BUB3: variants seen among roughly 807,000 people sequenced by gnomAD.
BUB3 encodes the protein BUB3 mitotic checkpoint protein.
Under a neutral mutation model 39.9 loss-of-function variants are expected in BUB3, and 22 were observed. The ratio of observed to expected loss-of-function variants is 0.55; its 90% confidence interval spans 0.39 to 0.79. The LOEUF (loss-of-function observed/expected upper bound fraction) is 0.79. Ranked by LOEUF, BUB3 falls within the 30% of genes least tolerant of loss-of-function variation. BUB3 has a pLI of 0.00. For synonymous variants in BUB3, 168 were observed against 155.1 expected (o/e 1.08, Z -0.62); for missense variants, 303 against 415.4 (o/e 0.73, Z 2.35).
At chr10:123,160,299 G>C in intron 4 of BUB3, 108 bp from the exon 5 acceptor site, 8 of 1,011,986 alleles carry the variant, frequency 7.9e-6, no homozygotes, top group South Asian at 2.1e-5. Flanking sequence ...GGGGAATTCA[G>C]TCAGCTAATT....
At position 123,155,596 on chromosome 10, in the gene BUB3, A is replaced by G. The variant is rs77907689; in HGVS notation, c.196-62A>G. On this transcript the variant is annotated intron_variant, in intron 2 of 7. Coordinates refer to ENST00000368865, the MANE Select transcript of BUB3 (RefSeq NM_004725.4). ...ATAAACTGAACACTTGCTTGTAGAAATAAGAATGTTGAAACCCTTTCAAAA... is the reference window on the plus strand; with the variant it reads ...ATAAACTGAACACTTGCTTGTAGAAGTAAGAATGTTGAAACCCTTTCAAAA... 622 of 1,467,122 alleles carry G rather than the reference A, an allele frequency of 4.2e-4. 1 individual carries two copies. The African/African-American group carries it at 7.3e-3, about 17-fold the overall frequency. 90.9% of individuals were successfully genotyped at this position (1,467,122 alleles called of 1,614,324 possible).
chr10:123,154,645 G>A (rs1482134077), intron 1 of BUB3, among the ~76,000 whole-genome samples, 160 bp downstream of exon 1: 3 of 152,148 alleles, frequency 2.0e-5, no homozygotes, highest in East Asian at 1.9e-4. Context: ...CGGGAGAGGG[G>A]AAAGGGAACA....
At chr10:123,160,749 C>A (rs577530771) in intron 5 of BUB3, among the ~76,000 whole-genome samples, 184 bp downstream of exon 5, 6 of 152,000 alleles carry the variant, frequency 3.9e-5, no homozygotes, top group Admixed American at 2.6e-4. Context: ...GTGCGTTAAC[C>A]CCCATTTTAG....
In BUB3 at chr10:123,162,357, A is replaced by G. The variant is rs1309504368; in HGVS notation, c.698A>G (p.Gln233Arg). 1 of 1,614,168 alleles carries G rather than the reference A, an allele frequency of 6.2e-7. No homozygotes were observed. The highest frequency in any genetic ancestry group is 1.7e-5 in the Admixed American group (1 of 60,026). Residue 233 changes from glutamine to arginine, a missense_variant, in exon 6 of 8, where the codon CAG becomes CGG. Coordinates refer to ENST00000368865, the MANE Select transcript of BUB3 (RefSeq NM_004725.4). ...CHRLKENNIE[Q>R]IYPVNAISFH... Reference sequence around the variant, plus strand: ...AGACTAAAAGAAAATAATATTGAGCAGATTTACCCAGTCAATGCCATTTCT... The same window carrying G: ...AGACTAAAAGAAAATAATATTGAGCGGATTTACCCAGTCAATGCCATTTCT...
chr10:123,157,775 C>T lies in BUB3; in HGVS notation c.312C>T (p.Tyr104=). 3 of 1,612,802 alleles carry T rather than the reference C, an allele frequency of 1.9e-6. No individual in the cohort carries two copies. The highest frequency in any genetic ancestry group is 2.5e-6 in the Non-Finnish European group (3 of 1,179,352). Residue 104 remains tyrosine (Y), a synonymous_variant, in exon 4 of 8, where the codon TAC becomes TAT. Transcript: ENST00000368865. ...ATGCCCCTATCAGATGTGTTGAATA[C>T]TGTCCAGAAGTGAATGTGATGGTCA... ...THDAPIRCVE[Y]CPEVNVMVTG...
Position 123,169,858 on chromosome 10 carries a change from G to A in BUB3, c.*6023G>A, listed in dbSNP as rs1250755362. 6.6e-6 allele frequency: 1 copy of A among 152,134 alleles called. No individual in the cohort carries two copies. Among genetic ancestry groups the A allele is most frequent in the African/African-American group, 2.4e-5 (1 of 41,410 alleles). 9.4% of individuals were successfully genotyped at this position (152,134 alleles called of 1,614,324 possible). A position where few individuals can be genotyped will look rare whatever the true frequency, so the allele number is the denominator to read the frequency against. Reference sequence around the variant, plus strand: ...AGGGGGCCACTAGCTAAGTTAATTTGTGAGCCTGGGCAACATGGCGTGACC... The same window carrying A: ...AGGGGGCCACTAGCTAAGTTAATTTATGAGCCTGGGCAACATGGCGTGACC... On this transcript the variant is annotated 3_prime_UTR_variant, in exon 8 of 8. Transcript: ENST00000368865.
In BUB3 at chr10:123,166,955, A is replaced by T. The variant is rs992237913; in HGVS notation, c.*3120A>T. On this transcript the variant is annotated 3_prime_UTR_variant, in exon 8 of 8. Transcript: ENST00000368865. ...ATTGTTTTTCCTCCATTATCTGTTA[A>T]ACTCCTGCTTTGCCAAAGGTATCTT... 2 of 152,148 alleles carry T rather than the reference A, an allele frequency of 1.3e-5. No individual in the cohort carries two copies. Among genetic ancestry groups the T allele is most frequent in the Admixed American group, 1.3e-4 (2 of 15,264 alleles). The allele number at this position is 152,148 out of a possible 1,614,324, so 9.4% of individuals were successfully genotyped here.
At position 123,162,835 on chromosome 10, in the gene BUB3, A is replaced by G. The variant is rs1191608022; in HGVS notation, c.971+7A>G. On this transcript the variant is annotated splice_region_variant and intron_variant, in intron 7 of 7. Transcript: ENST00000368865. The stretch of plus-strand genomic sequence containing the variant: ...ATGCAGAAACAAAACCCAAGTGAGT[A>G]TGCTTCACCTGTATTTGAGCCTTTT... 1 of 1,606,782 alleles carries G rather than the reference A, an allele frequency of 6.2e-7. No individual in the cohort carries two copies. Among genetic ancestry groups the G allele is most frequent in the Admixed American group, 1.7e-5 (1 of 59,086 alleles).
At position 123,160,554 on chromosome 10, in the gene BUB3, C is replaced by T; in HGVS notation, c.565C>T (p.Pro189Ser). The part of the protein sequence containing the change: ...KYQTRCIRAF[P>S]NKQGYVLSSI... ...CCAGACTCGCTGCATACGAGCGTTT[C>T]CAAACAAGCAGGTATTGAACTATAC... is the stretch of plus-strand genomic sequence containing the variant. Residue 189 changes from proline (P) to serine (S), a missense_variant, in exon 5 of 8, where the codon CCA becomes TCA. By Grantham distance (74) the Pro-to-Ser change is moderately conservative. Coordinates refer to ENST00000368865, the MANE Select transcript of BUB3 (RefSeq NM_004725.4). 1 of 1,598,010 alleles carries T rather than the reference C, an allele frequency of 6.3e-7. No homozygotes were observed. The highest frequency in any genetic ancestry group is 8.5e-7 in the Non-Finnish European group (1 of 1,174,796).
chr10:123,162,949 T>G, intron 7 of BUB3, 121 bp downstream of exon 7: 1 of 927,598 alleles, frequency 1.1e-6, no homozygotes, highest in Non-Finnish European at 1.6e-6. Flanking sequence ...ACTGTAGGGT[T>G]GGAGTTGATG....
chr10:123,156,030 C>T (rs1050444542), intron 3 of BUB3, among the ~76,000 whole-genome samples: 1 of 152,084 alleles, frequency 6.6e-6, no homozygotes, highest in East Asian at 1.9e-4. Flanking sequence ...GACTGGCCAG[C>T]GTTTCATTAG....
chr10:123,158,260 A>C (rs1052841558), intron 4 of BUB3, among the ~76,000 whole-genome samples: 1 of 152,154 alleles, frequency 6.6e-6, no homozygotes, highest in Admixed American at 6.5e-5. Flanking sequence ...TTCATTTGTT[A>C]TCTGAGGTTT....
chr10:123,160,306 A>G lies in BUB3; in HGVS notation c.418-101A>G, dbSNP rs1844404063. ...CTGTGATTGGGGAATTCAGTCAGCT[A>G]ATTTTTTATGGTCTTATGATCAGAT... On this transcript the variant is annotated intron_variant, in intron 4 of 7. Coordinates refer to ENST00000368865, the MANE Select transcript of BUB3 (RefSeq NM_004725.4). The G allele has an allele frequency of 3.6e-6, 4 of 1,104,852 alleles. No individual in the cohort carries two copies. In the Admixed American group the frequency reaches 1.1e-4, roughly 31 times the overall value. The allele number at this position is 1,104,852 out of a possible 1,614,324, so 68.4% of individuals were successfully genotyped here. A position where few individuals can be genotyped will look rare whatever the true frequency, so the allele number is the denominator to read the frequency against.
chr10:123,164,615 A>G lies in BUB3; in HGVS notation c.*780A>G, dbSNP rs1337329917. The G allele has an allele frequency of 1.7e-4, 167 of 991,070 alleles. No individual in the cohort carries two copies. The highest frequency in any genetic ancestry group is 2.0e-4 in the Non-Finnish European group (164 of 833,774). 61.4% of individuals were successfully genotyped at this position (991,070 alleles called of 1,614,324 possible). A position where few individuals can be genotyped will look rare whatever the true frequency, so the allele number is the denominator to read the frequency against. ...TTGCAGTGCATTTAGACAGGCATCT[A>G]TTTGGACCTGTTTCTATCTCTAAAT... On this transcript the variant is annotated 3_prime_UTR_variant, in exon 8 of 8. Transcript: ENST00000368865.
At chr10:123,156,663 G>A (rs1172495114) in intron 3 of BUB3, among the ~76,000 whole-genome samples, 1 of 152,064 alleles carries the variant, frequency 6.6e-6, no homozygotes, top group Non-Finnish European at 1.5e-5. Context: ...AAAAGCAAAC[G>A]TCTCGATTTT....
In BUB3 at chr10:123,165,687, G is replaced by T; in HGVS notation, c.*1852G>T. On this transcript the variant is annotated 3_prime_UTR_variant, in exon 8 of 8. Transcript: ENST00000368865. Reference sequence around the variant, plus strand: ...GACCTTTTGGCTCAGTGCTTTACTAGTGCCAGCGCAGTAGTGCTTAGGTAG... The same window carrying T: ...GACCTTTTGGCTCAGTGCTTTACTATTGCCAGCGCAGTAGTGCTTAGGTAG... 6.6e-6 allele frequency: 1 copy of T among 152,336 alleles called. No individual in the cohort carries two copies. Among genetic ancestry groups the T allele is most frequent in the Non-Finnish European group, 1.5e-5 (1 of 68,150 alleles). 9.4% of individuals were successfully genotyped at this position (152,336 alleles called of 1,614,324 possible).
chr10:123,168,614 A>G lies in BUB3; in HGVS notation c.*4779A>G, dbSNP rs1314605808. 1 of 151,732 alleles carries G rather than the reference A, an allele frequency of 6.6e-6. No homozygotes were observed. Among genetic ancestry groups the G allele is most frequent in the Non-Finnish European group, 1.5e-5 (1 of 67,958 alleles). 9.4% of individuals were successfully genotyped at this position (151,732 alleles called of 1,614,324 possible). On this transcript the variant is annotated 3_prime_UTR_variant, in exon 8 of 8. Transcript: ENST00000368865. Reference sequence around the variant, plus strand: ...CCCAGGCTGGAGTGCAAGTGGCGCGATCTCCGCTCATTGCAAGCTCCGCCT... The same window carrying G: ...CCCAGGCTGGAGTGCAAGTGGCGCGGTCTCCGCTCATTGCAAGCTCCGCCT...
rs1844531498 is a variant in BUB3 at position 123,170,103 on chromosome 10, A to G, written c.*6268A>G. 1 of 152,216 alleles carries G rather than the reference A, an allele frequency of 6.6e-6. No individual in the cohort carries two copies. Among genetic ancestry groups the G allele is most frequent in the South Asian group, 2.1e-4 (1 of 4,836 alleles). 9.4% of individuals were successfully genotyped at this position (152,216 alleles called of 1,614,324 possible). A position where few individuals can be genotyped will look rare whatever the true frequency, so the allele number is the denominator to read the frequency against. On this transcript the variant is annotated 3_prime_UTR_variant, in exon 8 of 8. Coordinates refer to ENST00000368865, the MANE Select transcript of BUB3 (RefSeq NM_004725.4). ...GAGCCTTATTTTCCTCATCTGTAAA[A>G]TGAAGAGAATACCTAGCTCATGGAG... is the stretch of plus-strand genomic sequence containing the variant.
chr10:123,160,165 C>G (rs1844402068), intron 4 of BUB3, among the ~76,000 whole-genome samples: 1 of 152,050 alleles, frequency 6.6e-6, no homozygotes, highest in Non-Finnish European at 1.5e-5. Flanking sequence ...AGCTCCTTTA[C>G]AGAATTACTT....
Sources: allele counts gnomAD v4.1 joint callset (sites outside exome capture counted in the v4.1 genomes callset), GRCh38; gene constraint gnomAD v4.1.1; transcripts MANE v1.5; gene names NCBI Gene and HGNC (gene_info 2026-07-23, HGNC 2026-07-21).